OSBPL8: variants seen among roughly 807,000 people sequenced by gnomAD.
The protein encoded by OSBPL8 is oxysterol binding protein like 8.
In OSBPL8, 59 loss-of-function variants were observed where a neutral mutation model predicts 125.5. That is an observed-to-expected ratio of 0.47 (90% CI 0.38 to 0.58). OSBPL8 has a LOEUF of 0.58. OSBPL8 is among the 20% of genes least tolerant of loss of function. The pLI is 0.00. For missense variants in OSBPL8, 758 were observed against 1,047.8 expected (o/e 0.72, Z 3.82); for synonymous variants, 330 against 338.9 (o/e 0.97, Z 0.29).
chr12:76,522,256 C>G (rs1882134086), intron 1 of OSBPL8, among the ~76,000 whole-genome samples: 1 of 151,194 alleles, frequency 6.6e-6, no homozygotes, highest in Admixed American at 6.6e-5. Flanking sequence ...TTAACTAGTT[C>G]TAGAACTCAA....
chr12:76,511,058 T>A (rs1565956814), intron 1 of OSBPL8, among the ~76,000 whole-genome samples: 2 of 152,192 alleles, frequency 1.3e-5, no homozygotes, highest in African/African-American at 4.8e-5. Context: ...AACAAAGGTA[T>A]GTACATGATG....
intron 21 of OSBPL8, among the ~76,000 whole-genome samples, chr12:76,366,321 G>T (rs1286811192): frequency 2.0e-5 from 3 of 152,086 alleles, no homozygotes; most frequent in Non-Finnish European, 4.4e-5. Flanking sequence ...AGTTTCTAGG[G>T]ATTTGTTGGC....
intron 4 of OSBPL8, among the ~76,000 whole-genome samples, chr12:76,412,216 G>A (rs2136428666): frequency 6.6e-6 from 1 of 151,894 alleles, no homozygotes; most frequent in East Asian, 1.9e-4. Flanking sequence ...TGAGTGAGAA[G>A]CCAACTCTCC....
chr12:76,489,894 CTAAGTACACTTG>C (rs1286623510), intron 1 of OSBPL8, among the ~76,000 whole-genome samples: 1 of 152,198 alleles, frequency 6.6e-6, no homozygotes, highest in Non-Finnish European at 1.5e-5. Context: ...CTAAATGTCA[CTAAGTACACTTG>C]TGAGTCACAG....
intron 15 of OSBPL8, among the ~76,000 whole-genome samples, chr12:76,380,168 G>A (rs575588678): frequency 1.3e-5 from 2 of 152,054 alleles, no homozygotes; most frequent in African/African-American, 4.8e-5. Flanking sequence ...CTTCAAAAAA[G>A]CCTGCTTAGA....
At chr12:76,464,270 T>C (rs749504115) in intron 2 of OSBPL8, among the ~76,000 whole-genome samples, 2 of 152,234 alleles carry the variant, frequency 1.3e-5, no homozygotes, top group African/African-American at 2.4e-5. Context: ...CTGAGCAACA[T>C]AGTGAGACCC....
intron 1 of OSBPL8, among the ~76,000 whole-genome samples, chr12:76,506,231 T>G (rs1019942136): frequency 3.3e-5 from 5 of 152,076 alleles, no homozygotes; most frequent in Admixed American, 1.3e-4. Flanking sequence ...TGGGAAGACT[T>G]GGGGAAGAAA....
At chr12:76,472,004 C>CAGAATAT (rs1592741786) in intron 2 of OSBPL8, among the ~76,000 whole-genome samples, 1 of 152,160 alleles carries the variant, frequency 6.6e-6, no homozygotes, top group East Asian at 1.9e-4. Context: ...CCCTCTGCAT[C>CAGAATAT]GTATATGGTC....
chr12:76,393,105 A>G (rs545266234), intron 9 of OSBPL8, among the ~76,000 whole-genome samples: 1 of 152,188 alleles, frequency 6.6e-6, no homozygotes, highest in Non-Finnish European at 1.5e-5. Flanking sequence ...ACTACAAACA[A>G]ACTATCTGAA....
chr12:76,363,704 T>C (rs1364887570), intron 21 of OSBPL8, among the ~76,000 whole-genome samples: 1 of 152,124 alleles, frequency 6.6e-6, no homozygotes, highest in Non-Finnish European at 1.5e-5. Context: ...AAAGAGTCTG[T>C]CATCAGAGTG....
intron 15 of OSBPL8, among the ~76,000 whole-genome samples, chr12:76,381,290 T>G (rs1412489219): frequency 6.6e-6 from 1 of 152,194 alleles, no homozygotes; most frequent in Middle Eastern, 3.2e-3. Context: ...TTCTATTTTA[T>G]GCCAAAAATT....
At chr12:76,546,199 C>T (rs1450435720) in intron 1 of OSBPL8, among the ~76,000 whole-genome samples, 1 of 152,090 alleles carries the variant, frequency 6.6e-6, no homozygotes, top group African/African-American at 2.4e-5. Flanking sequence ...CAAGGAAATG[C>T]TAATTTCTAC....
chr12:76,487,444 C>T, intron 2 of OSBPL8, 66 bp downstream of exon 2: 2 of 1,363,348 alleles, frequency 1.5e-6, no homozygotes. Flanking sequence ...AAAACAAAAC[C>T]CTAGCTTACA....
chr12:76,526,824 T>C (rs912288292), intron 1 of OSBPL8, among the ~76,000 whole-genome samples: 1 of 151,746 alleles, frequency 6.6e-6, no homozygotes, highest in African/African-American at 2.4e-5. Flanking sequence ...CTAATTTTTG[T>C]ATTTTTAGTA....
chr12:76,499,429 T>C (rs1334599492), intron 1 of OSBPL8, among the ~76,000 whole-genome samples: 1 of 152,054 alleles, frequency 6.6e-6, no homozygotes, highest in Non-Finnish European at 1.5e-5. Flanking sequence ...AATACAGCCA[T>C]GTTGCCCAGG....
intron 2 of OSBPL8, among the ~76,000 whole-genome samples, chr12:76,464,964 G>C (rs1358378530): frequency 6.6e-6 from 1 of 152,160 alleles, no homozygotes; most frequent in Non-Finnish European, 1.5e-5. Flanking sequence ...ACAAACTTCA[G>C]AGAGAGCTAT....
intron 4 of OSBPL8, among the ~76,000 whole-genome samples, chr12:76,429,136 A>G (rs1261405705): frequency 6.6e-5 from 10 of 152,144 alleles, no homozygotes; most frequent in African/African-American, 2.4e-4. Context: ...ATGTCTCAAC[A>G]TGAAAGCACA....
chr12:76,434,485 A>C (rs1213169823), intron 4 of OSBPL8, among the ~76,000 whole-genome samples: 1 of 152,216 alleles, frequency 6.6e-6, no homozygotes, highest in Non-Finnish European at 1.5e-5. Context: ...AAGGCAACAA[A>C]AGCAAAAATA....
At chr12:76,540,436 A>G (rs1950607536) in intron 1 of OSBPL8, among the ~76,000 whole-genome samples, 1 of 152,068 alleles carries the variant, frequency 6.6e-6, no homozygotes, top group Admixed American at 6.5e-5. Context: ...AAAAACTGCA[A>G]AACAACATTA....
Sources: gnomAD v4.1 joint callset for allele counts (sites outside exome capture counted in the v4.1 genomes callset) on GRCh38, gnomAD v4.1.1 for gene constraint, MANE v1.5 for transcripts, NCBI Gene and HGNC (gene_info 2026-07-23, HGNC 2026-07-21) for gene names.